The following PTPRG variants were observed in gnomAD, a reference collection of about 807,000 sequenced individuals.
The protein encoded by PTPRG is receptor-type tyrosine-protein phosphatase gamma.
PTPRG carries 102 observed loss-of-function variants against 165.3 expected under a neutral mutation model. The observed-to-expected ratio is 0.62, with a 90% CI of 0.53 to 0.73. The LOEUF is 0.73. Among genes scored for constraint, PTPRG ranks in the 30% least tolerant of loss-of-function variants. PTPRG has a pLI of 0.00. For synonymous variants in PTPRG, 675 were observed against 669.5 expected, an observed-to-expected ratio of 1.01 and a Z score of -0.13; for missense variants, 1,866 against 1,861.4, an observed-to-expected ratio of 1.00 and a Z score of -0.05.
At chr3:61,660,770 G>A (rs1702635299) in intron 1 of PTPRG, among the ~76,000 whole-genome samples, 1 of 152,138 alleles carries the variant, frequency 6.6e-6, no homozygotes, top group African/African-American at 2.4e-5. Context: ...GGGAGACTAA[G>A]GTGGGCTGAT....
At chr3:61,884,451 G>C (rs2037973628) in intron 2 of PTPRG, among the ~76,000 whole-genome samples, 1 of 152,332 alleles carries the variant, frequency 6.6e-6, no homozygotes, top group African/African-American at 2.4e-5. Context: ...ATTAGAAATT[G>C]TGTCAAGTCA....
At chr3:62,057,623 ACT>A (rs1394955899) in intron 4 of PTPRG, among the ~76,000 whole-genome samples, 2 of 152,150 alleles carry the variant, frequency 1.3e-5, no homozygotes, top group Admixed American at 1.3e-4. Context: ...AACAAAAATA[ACT>A]CTGCCAGAGC....
chr3:62,255,295 C>A lies in PTPRG; in HGVS notation c.2559+80C>A. The stretch of plus-strand genomic sequence containing the variant: ...GATTTTTGTAAACTTGAACTGAATT[C>A]ATTCCAAGCATAACAAAACAGTAAC... On this transcript the variant is annotated intron_variant, in intron 16 of 29. Coordinates refer to ENST00000474889, the MANE Select transcript of PTPRG (RefSeq NM_002841.4). This position sits in a 1 kb window ranked among gnomAD's most constrained non-coding sequence, Gnocchi z 4.0. 2 of 1,073,004 alleles carry A rather than the reference C, an allele frequency of 1.9e-6. No individual in the cohort carries two copies. Among genetic ancestry groups the A allele is most frequent in the Non-Finnish European group, 2.8e-6 (2 of 718,664 alleles). The allele number at this position is 1,073,004 out of a possible 1,614,324, so 66.5% of individuals were successfully genotyped here.
At chr3:61,687,176 C>A (rs989146019) in intron 1 of PTPRG, among the ~76,000 whole-genome samples, 16 of 152,170 alleles carry the variant, frequency 1.1e-4, no homozygotes, top group African/African-American at 3.9e-4. Context: ...AGGAAATCTT[C>A]ACCAGATTTG....
intron 1 of PTPRG, among the ~76,000 whole-genome samples, chr3:61,628,485 TTTG>T (rs1054855455): frequency 1.3e-5 from 2 of 151,954 alleles, no homozygotes; most frequent in South Asian, 2.1e-4. Flanking sequence ...CCAGCTAATT[TTTG>T]TTGTTGTTGT....
At chr3:61,752,795 A>AAAAAAAAAAAAAG (rs1553660803) in intron 2 of PTPRG, among the ~76,000 whole-genome samples, 2 of 108,218 alleles carry the variant, frequency 1.8e-5, no homozygotes, top group African/African-American at 3.6e-5. Context: ...CAAAAAAAAA[A>AAAAAAAAAAAAAG]AAAAAAGAAA....
rs755457953 is a variant in PTPRG, at chr3:62,262,810, T to C, written c.2572T>C (p.Cys858Arg). Reference protein sequence around the residue: ...FSEDFEEVQRCTADMNITAEH... With the variant: ...FSEDFEEVQRRTADMNITAEH... ...TTTTCTTCACTAGGAAGTCCAGCGCTGTACTGCTGATATGAACATCACTGC... is the reference window on the plus strand; with the variant it reads ...TTTTCTTCACTAGGAAGTCCAGCGCCGTACTGCTGATATGAACATCACTGC... Residue 858 changes from cysteine to arginine, a missense_variant, in exon 17 of 30, where the codon TGT becomes CGT. Physicochemically the swap from Cys to Arg is radical, Grantham distance 180. Around this residue, in one of 3 missense-constraint regions of PTPRG, gnomAD observed 1,452 missense variants for 1,463.0 expected, o/e 0.99. Transcript: ENST00000474889. The C allele has an allele frequency of 7.4e-6, 12 of 1,613,358 alleles. No individual in the cohort carries two copies. The East Asian group carries it at 1.8e-4, about 24-fold the overall frequency.
Position 61,676,456 on chromosome 3 carries a change from C to CAAAAAAAAAAAAA in PTPRG, c.86-72416_86-72404dup, listed in dbSNP as rs71629138. ...TGGGCGACAGAGCCAGACTCCATCT[C>CAAAAAAAAAAAAA]AAAAAAAAAAAAAAAAAAGAAAATT... On this transcript the variant is annotated intron_variant, in intron 1 of 29. Coordinates refer to ENST00000474889, the MANE Select transcript of PTPRG (RefSeq NM_002841.4). 6.4e-3 allele frequency among the ~76,000 whole-genome samples: 139 copies of CAAAAAAAAAAAAA among 21,846 alleles called. 17 individuals are homozygous for CAAAAAAAAAAAAA. The highest frequency in any genetic ancestry group is 0.028 in the East Asian group (17 of 604). 14.3% of individuals were successfully genotyped at this position (21,846 alleles called of 152,430 possible). A position where few individuals can be genotyped will look rare whatever the true frequency, so the allele number is the denominator to read the frequency against.
At chr3:61,943,939 A>C (rs890288603) in intron 2 of PTPRG, among the ~76,000 whole-genome samples, 2 of 152,124 alleles carry the variant, frequency 1.3e-5, no homozygotes, top group Non-Finnish European at 2.9e-5. Context: ...TTATCTCCTT[A>C]TACTTCCTTT....
intron 1 of PTPRG, among the ~76,000 whole-genome samples, chr3:61,617,050 G>A (rs950941539): frequency 6.6e-6 from 1 of 152,212 alleles, no homozygotes; most frequent in African/African-American, 2.4e-5. Context: ...GTTTGTGTCC[G>A]AGGCTAGCTG....
chr3:61,664,703 C>T (rs1304980755), intron 1 of PTPRG, among the ~76,000 whole-genome samples: 3 of 152,078 alleles, frequency 2.0e-5, no homozygotes, highest in South Asian at 2.1e-4. Context: ...TGGTTGTACA[C>T]GCCTGTAATC....
At chr3:62,179,010 T>C (rs1705546486) in intron 8 of PTPRG, among the ~76,000 whole-genome samples, 1 of 152,216 alleles carries the variant, frequency 6.6e-6, no homozygotes, top group African/African-American at 2.4e-5. Context: ...TGCCTCTCAT[T>C]GGAGCCATAG....
At chr3:61,644,036 A>T (rs532900357) in intron 1 of PTPRG, among the ~76,000 whole-genome samples, 2 of 152,278 alleles carry the variant, frequency 1.3e-5, no homozygotes, top group East Asian at 3.9e-4. Context: ...GATCACAATC[A>T]CATTTAAATT....
rs577030539 is a variant in PTPRG, at chr3:61,789,407, C to T, written c.190+40425C>T. Among the ~76,000 whole-genome samples the T allele has an allele frequency of 2.0e-5, 3 of 152,280 alleles. No individual in the cohort carries two copies. The South Asian group carries it at 6.2e-4, about 32-fold the overall frequency. Reference sequence around the variant, plus strand: ...ACAGGCATGAGCTACTGTGCCTAGCCTCTAGTTTCTTATAATACAGAGATG... The same window carrying T: ...ACAGGCATGAGCTACTGTGCCTAGCTTCTAGTTTCTTATAATACAGAGATG... On this transcript the variant is annotated intron_variant, in intron 2 of 29. Transcript: ENST00000474889.
At chr3:62,287,344 A>C (rs1702703157) in intron 28 of PTPRG, among the ~76,000 whole-genome samples, 1 of 152,220 alleles carries the variant, frequency 6.6e-6, no homozygotes, top group Non-Finnish European at 1.5e-5. Context: ...CAACATGCTG[A>C]ACAAGAACCA....
chr3:61,983,202 TAATTAAG>T (rs1434099268), intron 2 of PTPRG, among the ~76,000 whole-genome samples: 2 of 152,154 alleles, frequency 1.3e-5, no homozygotes, highest in East Asian at 3.8e-4. Context: ...GCACAAGAAG[TAATTAAG>T]CTATTAGTAC....
intron 5 of PTPRG, among the ~76,000 whole-genome samples, chr3:62,091,878 C>G (rs1255844465): frequency 6.6e-6 from 1 of 152,016 alleles, no homozygotes; most frequent in Middle Eastern, 3.4e-3. Flanking sequence ...TCTAAAGGGA[C>G]GAGATACCCC....
In PTPRG at chr3:62,245,913, T is replaced by G. The variant is rs1051850147; in HGVS notation, c.2467+2015T>G. On this transcript the variant is annotated intron_variant, in intron 15 of 29. Coordinates refer to ENST00000474889, the MANE Select transcript of PTPRG (RefSeq NM_002841.4). This position sits in a 1 kb window ranked among gnomAD's most constrained non-coding sequence, Gnocchi z 4.2. ...ATAGGCTTTAGAACTTTCAATTCAC[T>G]AGGATCCTCTGAATATGCCTTGCAA... Among the ~76,000 whole-genome samples the G allele has an allele frequency of 6.6e-6, 1 of 152,144 alleles. No homozygotes were observed. Among genetic ancestry groups the G allele is most frequent in the East Asian group, 1.9e-4 (1 of 5,174 alleles).
intron 8 of PTPRG, among the ~76,000 whole-genome samples, chr3:62,168,630 A>G (rs1242943747): frequency 6.6e-6 from 1 of 152,164 alleles, no homozygotes; most frequent in African/African-American, 2.4e-5. Context: ...AGGGGAGCAC[A>G]TAAGGGAGGG....
Sources: allele counts gnomAD v4.1 joint callset (sites outside exome capture counted in the v4.1 genomes callset), GRCh38; gene constraint gnomAD v4.1.1; regional missense constraint gnomAD v4.1.1; non-coding constraint Gnocchi (gnomAD v3.1); transcripts MANE v1.5; gene names NCBI Gene and HGNC (gene_info 2026-07-23, HGNC 2026-07-21).